The following SLIT2 variants were observed in gnomAD, a reference collection of about 807,000 sequenced individuals.
The protein encoded by SLIT2 is slit homolog 2 protein.
Under a neutral mutation model 185.7 loss-of-function variants are expected in SLIT2, and 41 were observed. The observed-to-expected ratio is 0.22, with a 90% CI of 0.17 to 0.29. The LOEUF (loss-of-function observed/expected upper bound fraction) is 0.29, where lower values mean the gene tolerates loss of function less well. SLIT2 is among the 10% of genes least tolerant of loss of function. The pLI is 1.00. For synonymous variants in SLIT2, 693 were observed against 680.2 expected (o/e 1.02, Z -0.29); for missense variants, 1,571 against 1,909.0 (o/e 0.82, Z 3.30).
chr4:20,380,321 A>G (rs1459138257), intron 4 of SLIT2, among the ~76,000 whole-genome samples: 1 of 152,198 alleles, frequency 6.6e-6, no homozygotes, highest in Non-Finnish European at 1.5e-5. Context: ...ATAGTCCTAT[A>G]ATATTTAAAA....
chr4:20,394,250 A>T (rs1725696474), intron 4 of SLIT2, among the ~76,000 whole-genome samples: 1 of 152,018 alleles, frequency 6.6e-6, no homozygotes, highest in Admixed American at 6.6e-5. Context: ...GGAAAGGAAA[A>T]TAAAGCCTTG....
chr4:20,274,299 A>G (rs185686738), intron 4 of SLIT2, among the ~76,000 whole-genome samples: 1 of 152,314 alleles, frequency 6.6e-6, no homozygotes, highest in African/African-American at 2.4e-5. Context: ...CTTAAAAAAT[A>G]GAGGCATACA....
chr4:20,595,477 C>CATT (rs72592634), intron 30 of SLIT2, among the ~76,000 whole-genome samples: 1 of 151,290 alleles, frequency 6.6e-6, no homozygotes, highest in Non-Finnish European at 1.5e-5. Flanking sequence ...TGTTCACTAT[C>CATT]AAGGAGATAA....
chr4:20,254,436 G>A lies in SLIT2; in HGVS notation c.179+442G>A, dbSNP rs1264960889. Among the ~76,000 whole-genome samples, 1 of 152,130 alleles carries A rather than the reference G, an allele frequency of 6.6e-6. No individual in the cohort carries two copies. Among genetic ancestry groups the A allele is most frequent in the East Asian group, 1.9e-4 (1 of 5,162 alleles). ...GCAGGCTGGCGCGGAGGGGATAGCAGGGAGACTCAAAAGAGAGAAACTTGC... is the reference window on the plus strand; with the variant it reads ...GCAGGCTGGCGCGGAGGGGATAGCAAGGAGACTCAAAAGAGAGAAACTTGC... On this transcript the variant is annotated intron_variant, in intron 1 of 36. Coordinates refer to ENST00000504154, the MANE Select transcript of SLIT2 (RefSeq NM_004787.4). This position sits in a 1 kb window ranked among gnomAD's most constrained non-coding sequence, Gnocchi z 5.1.
chr4:20,374,793 C>G (rs1003224545), intron 4 of SLIT2, among the ~76,000 whole-genome samples: 8 of 152,022 alleles, frequency 5.3e-5, no homozygotes, highest in Admixed American at 2.6e-4. Context: ...TAATAATACT[C>G]TGAAGAAATT....
In SLIT2 at chr4:20,595,817, A is replaced by G. The variant is rs756243548; in HGVS notation, c.3303A>G (p.Ile1101Met). ...ATGCAGTGAACGGCTATACGTGCAT[A>G]TGCCCCGAAGGTTACAGGTAAAAGC... is the stretch of plus-strand genomic sequence containing the variant. ...CTDAVNGYTC[I>M]CPEGYSGLFC... Residue 1101 changes from isoleucine (I) to methionine (M), a missense_variant, in exon 31 of 37, where the codon ATA (isoleucine) becomes ATG (methionine). Coordinates refer to ENST00000504154, the MANE Select transcript of SLIT2 (RefSeq NM_004787.4). The G allele has an allele frequency of 1.9e-6, 3 of 1,614,026 alleles. No individual in the cohort carries two copies. Among genetic ancestry groups the G allele is most frequent in the Admixed American group, 3.3e-5 (2 of 60,012 alleles).
In SLIT2 at chr4:20,542,340, C is replaced by T. The variant is rs141200492; in HGVS notation, c.2144-154C>T. ...TGAAAACAGTGCTATATAGAACTTA[C>T]GGTATCAATTAGTAAATACTGAATG... On this transcript the variant is annotated intron_variant, in intron 20 of 36. Transcript: ENST00000504154. Among the ~76,000 whole-genome samples, 36 of 152,236 alleles carry T rather than the reference C, an allele frequency of 2.4e-4. No homozygotes were observed. In the East Asian group the frequency reaches 3.3e-3, roughly 14 times the overall value.
At chr4:20,502,938 T>C (rs1209627321) in intron 9 of SLIT2, among the ~76,000 whole-genome samples, 1 of 152,086 alleles carries the variant, frequency 6.6e-6, no homozygotes, top group Non-Finnish European at 1.5e-5. Context: ...CAGATAGTGA[T>C]GGGAAGTTAT....
chr4:20,327,387 A>T (rs1403082219), intron 4 of SLIT2, among the ~76,000 whole-genome samples: 1 of 152,066 alleles, frequency 6.6e-6, no homozygotes, highest in African/African-American at 2.4e-5. Flanking sequence ...ACATAATATC[A>T]ATTGCTAGGA....
In SLIT2 at chr4:20,525,178, T is replaced by C; in HGVS notation, c.1462+6T>C. On this transcript the variant is annotated splice_donor_region_variant and intron_variant, in intron 15 of 36. Coordinates refer to ENST00000504154, the MANE Select transcript of SLIT2 (RefSeq NM_004787.4). Reference sequence around the variant, plus strand: ...AGAACAGTATTTCATTCCAGGTAGGTTTTGCTCGGTAGTAGGACTAACTAC... The same window carrying C: ...AGAACAGTATTTCATTCCAGGTAGGCTTTGCTCGGTAGTAGGACTAACTAC... 1 of 1,605,948 alleles carries C rather than the reference T, an allele frequency of 6.2e-7. No individual in the cohort carries two copies. Among genetic ancestry groups the C allele is most frequent in the Non-Finnish European group, 8.5e-7 (1 of 1,172,800 alleles).
At chr4:20,548,999 A>C in intron 23 of SLIT2, 58 bp from the exon 24 acceptor site, 1 of 923,050 alleles carries the variant, frequency 1.1e-6, no homozygotes, top group South Asian at 1.3e-5. Flanking sequence ...TATTTTTGGA[A>C]GTATTTGGCC....
At chr4:20,354,727 T>C (rs1722160552) in intron 4 of SLIT2, among the ~76,000 whole-genome samples, 1 of 152,088 alleles carries the variant, frequency 6.6e-6, no homozygotes, top group African/African-American at 2.4e-5. Flanking sequence ...GGTTAAATGG[T>C]AGAGGAAACT....
intron 26 of SLIT2, among the ~76,000 whole-genome samples, chr4:20,558,248 T>A (rs1724422061): frequency 6.6e-6 from 1 of 151,986 alleles, no homozygotes; most frequent in Non-Finnish European, 1.5e-5. Flanking sequence ...CAGAGAAATA[T>A]CTGGTGAAAG....
chr4:20,495,303 C>T (rs1333894819), intron 9 of SLIT2, among the ~76,000 whole-genome samples: 1 of 151,990 alleles, frequency 6.6e-6, no homozygotes, highest in Non-Finnish European at 1.5e-5. Flanking sequence ...ATTAGAAAGT[C>T]AGAATGAGTT....
intron 9 of SLIT2, among the ~76,000 whole-genome samples, chr4:20,498,379 C>T (rs913124425): frequency 6.6e-6 from 1 of 152,140 alleles, no homozygotes; most frequent in Non-Finnish European, 1.5e-5. Flanking sequence ...AGTTGCAATG[C>T]CTCCTGTGAG....
chr4:20,415,737 G>A (rs1727613754), intron 4 of SLIT2, among the ~76,000 whole-genome samples: 1 of 152,180 alleles, frequency 6.6e-6, no homozygotes, highest in African/African-American at 2.4e-5. Flanking sequence ...TCTTTCCAGA[G>A]AGCATGAAAG....
At chr4:20,263,570 T>G (rs911391858) in intron 3 of SLIT2, among the ~76,000 whole-genome samples, 1 of 151,850 alleles carries the variant, frequency 6.6e-6, no homozygotes, top group Non-Finnish European at 1.5e-5. Flanking sequence ...TACTGTTGAT[T>G]GTGGTTTCTA....
intron 4 of SLIT2, among the ~76,000 whole-genome samples, chr4:20,279,932 T>A (rs1459277053): frequency 6.6e-6 from 1 of 152,164 alleles, no homozygotes; most frequent in Non-Finnish European, 1.5e-5. Context: ...CTAATAAATA[T>A]CTTTTTGATG....
intron 4 of SLIT2, among the ~76,000 whole-genome samples, chr4:20,456,793 G>A (rs1186945114): frequency 6.6e-6 from 1 of 152,018 alleles, no homozygotes; most frequent in Non-Finnish European, 1.5e-5. Context: ...GGATTTTAAA[G>A]TCCATCAGCC....
Sources: gnomAD v4.1 joint callset for allele counts (sites outside exome capture counted in the v4.1 genomes callset) on GRCh38, gnomAD v4.1.1 for gene constraint, Gnocchi (gnomAD v3.1) non-coding constraint, MANE v1.5 for transcripts, NCBI Gene and HGNC (gene_info 2026-07-23, HGNC 2026-07-21) for gene names.